ATR: variants seen among roughly 807,000 people sequenced by gnomAD.
The protein encoded by ATR is ATR checkpoint kinase.
Under a neutral mutation model 305.3 loss-of-function variants are expected in ATR, and 142 were observed. That is an observed-to-expected ratio of 0.47 (90% CI 0.41 to 0.53). The LOEUF (loss-of-function observed/expected upper bound fraction) is 0.53, where lower values mean the gene tolerates loss of function less well. Ranked by LOEUF, ATR falls within the 20% of genes least tolerant of loss-of-function variation. The pLI is 0.00. For missense variants in ATR, 2,135 were observed against 3,133.1 expected (o/e 0.68, Z 7.60); for synonymous variants, 1,050 against 1,068.1 (o/e 0.98, Z 0.33).
At position 142,450,396 on chromosome 3, in the gene ATR, G is replaced by A. The variant is rs756565174; in HGVS notation, c.7762-794C>T. The A allele has an allele frequency of 7.7e-6, 12 of 1,554,776 alleles. No homozygotes were observed. In the Admixed American group the frequency reaches 1.2e-4, roughly 16 times the overall value. On this transcript the variant is annotated intron_variant, in intron 46 of 46. Transcript: ENST00000350721. ...TTTGCCAGACCTTTATCAAAATGGG[G>A]CTGCTGTCTTCTTTCACTTGTGACA...
At chr3:142,481,969 T>C (rs952621528) in intron 36 of ATR, among the ~76,000 whole-genome samples, 5 of 151,960 alleles carry the variant, frequency 3.3e-5, no homozygotes, top group Non-Finnish European at 7.4e-5. Flanking sequence ...ACCACAGGTG[T>C]GCACCACCAT....
chr3:142,571,422 C>T (rs558750222), intron 1 of ATR, among the ~76,000 whole-genome samples: 13 of 151,760 alleles, frequency 8.6e-5, no homozygotes, highest in South Asian at 6.2e-4. Flanking sequence ...GTCGAGATCG[C>T]GCCACTGTAC....
At chr3:142,565,203 A>G (rs2035026987) in intron 3 of ATR, among the ~76,000 whole-genome samples, 1 of 152,174 alleles carries the variant, frequency 6.6e-6, no homozygotes, top group African/African-American at 2.4e-5. Flanking sequence ...CCTCTATGAT[A>G]GATGAAATGC....
chr3:142,569,510 C>T (rs1230635015), intron 1 of ATR, among the ~76,000 whole-genome samples: 1 of 152,062 alleles, frequency 6.6e-6, no homozygotes, highest in Non-Finnish European at 1.5e-5. Flanking sequence ...TTTGTAGAGA[C>T]AGGGTTTCAC....
intron 21 of ATR, among the ~76,000 whole-genome samples, chr3:142,532,354 T>G (rs1273700086): frequency 6.6e-6 from 1 of 152,244 alleles, no homozygotes; most frequent in Non-Finnish European, 1.5e-5. Context: ...TCTTACAAAG[T>G]TATCTTTTTG....
chr3:142,559,549 C>G, intron 6 of ATR, 108 bp from the exon 7 acceptor site: 1 of 1,052,404 alleles, frequency 9.5e-7, no homozygotes. Context: ...CGAAATTTAT[C>G]TATAACAATT....
intron 9 of ATR, 84 bp from the exon 10 acceptor site, chr3:142,556,223 C>G (rs2108472474): frequency 6.5e-7 from 1 of 1,538,418 alleles, no homozygotes; most frequent in Non-Finnish European, 8.9e-7. Context: ...GACAAAAGTA[C>G]TGGTAAAACA....
rs1288871327 is a variant in ATR, at chr3:142,560,468, T to G, written c.1350-14A>C. On this transcript the variant is annotated splice_polypyrimidine_tract_variant and intron_variant, in intron 5 of 46. Coordinates refer to ENST00000350721, the MANE Select transcript of ATR (RefSeq NM_001184.4). ...ACATGTTTAATTCTATAATTATGAA[T>G]ATAGTAGAGAGATATTCATATGCAA... is the stretch of plus-strand genomic sequence containing the variant. The G allele has an allele frequency of 1.3e-6, 2 of 1,582,506 alleles. No homozygotes were observed. The highest frequency in any genetic ancestry group is 2.2e-5 in the South Asian group (2 of 90,258).
In ATR at chr3:142,563,061, G is replaced by A; in HGVS notation, c.341C>T (p.Pro114Leu). ...TTTCTTGTGTAACAAATGACAGGAG[G>A]GAGTTGCTGCAATCCGCAGAAGTCT... ...ITRLLRIAAT[P>L]SCHLLHKKIC... is the part of the protein sequence containing the mutation. Residue 114 changes from proline (P) to leucine (L), a missense_variant, in exon 4 of 47, where the codon CCC (proline) becomes CTC (leucine). By Grantham distance (98) the Pro-to-Leu change is moderately conservative (BLOSUM62 -3). This residue lies in a region of ATR where 744 missense variants were observed against 873.2 expected (regional missense o/e 0.85). Coordinates refer to ENST00000350721, the MANE Select transcript of ATR (RefSeq NM_001184.4). 6.2e-7 allele frequency: 1 copy of A among 1,600,544 alleles called. No homozygotes were observed. Among genetic ancestry groups the A allele is most frequent in the Non-Finnish European group, 8.5e-7 (1 of 1,176,274 alleles).
chr3:142,522,576 T>G (rs1429193081), intron 23 of ATR, 152 bp downstream of exon 23: 6 of 702,754 alleles, frequency 8.5e-6, no homozygotes. Flanking sequence ...TTAAGAGGTA[T>G]GCTTCTGTAC....
At chr3:142,474,694 T>C (rs1577524183) in intron 36 of ATR, among the ~76,000 whole-genome samples, 1 of 152,188 alleles carries the variant, frequency 6.6e-6, no homozygotes, top group African/African-American at 2.4e-5. Context: ...TGATGACTTC[T>C]TTTCCAATTT....
intron 35 of ATR, among the ~76,000 whole-genome samples, chr3:142,488,738 G>A (rs747375772): frequency 4.6e-5 from 7 of 152,128 alleles, no homozygotes; most frequent in Admixed American, 1.3e-4. Context: ...AAAATGAAAG[G>A]TGACAGAGAA....
At chr3:142,469,007 A>T (rs1376993822) in intron 38 of ATR, among the ~76,000 whole-genome samples, 2 of 152,156 alleles carry the variant, frequency 1.3e-5, no homozygotes, top group Non-Finnish European at 2.9e-5. Flanking sequence ...GAAAAAAAAT[A>T]AAAATTCAGG....
chr3:142,457,686 G>C lies in ATR; in HGVS notation c.7573C>G (p.Pro2525Ala). The change falls in exon 45 of 47, where the codon CCT becomes GCT. Residue 2525 changes from proline (P) to alanine (A), a missense_variant. Coordinates refer to ENST00000350721, the MANE Select transcript of ATR (RefSeq NM_001184.4). ...CGAAAAAGACCCTCTGTTCCCATAG[G>C]ACCCATTCCATTAACCATATTATGA... is the stretch of plus-strand genomic sequence containing the variant. The part of the protein sequence containing the change: ...LTHNMVNGMG[P>A]MGTEGLFRRA... The C allele has an allele frequency of 6.2e-7, 1 of 1,613,966 alleles. No individual in the cohort carries two copies. Among genetic ancestry groups the C allele is most frequent in the South Asian group, 1.1e-5 (1 of 91,068 alleles).
At position 142,553,279 on chromosome 3, in the gene ATR, T is replaced by C; in HGVS notation, c.2753A>G (p.Lys918Arg). ...GAAAAAACTTTGCAGTTTAACACTT[T>C]TAGCTGCAACCAGAGCTCTAATTTC... Reference protein sequence around the residue: ...YTEIRALVAAKSVKLQSFFSQ... With the variant: ...YTEIRALVAARSVKLQSFFSQ... The change falls in exon 13 of 47, where the codon AAA becomes AGA. Residue 918 changes from lysine (K) to arginine (R), a missense_variant. By Grantham distance (26) the Lys-to-Arg change is conservative. Transcript: ENST00000350721. 3 of 1,614,170 alleles carry C rather than the reference T, an allele frequency of 1.9e-6. No individual in the cohort carries two copies. Among genetic ancestry groups the C allele is most frequent in the Non-Finnish European group, 2.5e-6 (3 of 1,180,018 alleles).
At chr3:142,478,281 T>C (rs1383375537) in intron 36 of ATR, among the ~76,000 whole-genome samples, 1 of 152,232 alleles carries the variant, frequency 6.6e-6, no homozygotes, top group Non-Finnish European at 1.5e-5. Context: ...GAGATTCTGG[T>C]ATGTTGCGTC....
At chr3:142,544,601 G>A (rs1290525956) in intron 16 of ATR, among the ~76,000 whole-genome samples, 9 of 133,412 alleles carry the variant, frequency 6.7e-5, no homozygotes, top group African/African-American at 2.3e-4. Context: ...ATGTCTTTAT[G>A]TACAGGCAGA....
intron 18 of ATR, among the ~76,000 whole-genome samples, chr3:142,539,832 A>G (rs2033985120): frequency 6.6e-6 from 1 of 152,220 alleles, no homozygotes; most frequent in Admixed American, 6.5e-5. Flanking sequence ...ATAAAATTAG[A>G]AAATCATTAT....
chr3:142,524,985 C>T (rs1416274251), intron 21 of ATR, among the ~76,000 whole-genome samples: 1 of 152,166 alleles, frequency 6.6e-6, no homozygotes, highest in Non-Finnish European at 1.5e-5. Context: ...CATGTTAGAA[C>T]TGTAATGAGT....
Sources: allele counts gnomAD v4.1 joint callset (sites outside exome capture counted in the v4.1 genomes callset), GRCh38; gene constraint gnomAD v4.1.1; regional missense constraint gnomAD v4.1.1; transcripts MANE v1.5; gene names NCBI Gene and HGNC (gene_info 2026-07-23, HGNC 2026-07-21).